The following EXOC4 variants were observed in gnomAD, a reference collection of about 807,000 sequenced individuals.
The protein encoded by EXOC4 is exocyst complex component 4, also known as SEC8-like 1.
In EXOC4, 71 loss-of-function variants were observed where a neutral mutation model predicts 107.2. That is an observed-to-expected ratio of 0.66 (90% CI 0.55 to 0.81). The LOEUF (loss-of-function observed/expected upper bound fraction) is 0.81. Among genes scored for constraint, EXOC4 ranks in the 30% least tolerant of loss-of-function variants. The probability of loss-of-function intolerance (pLI) is 0.00; values close to 1 mark genes in which losing one functional copy is unlikely to be tolerated. For synonymous variants in EXOC4, 456 were observed against 441.2 expected, an observed-to-expected ratio of 1.03 and a Z score of -0.42; for missense variants, 1,108 against 1,189.6, an observed-to-expected ratio of 0.93 and a Z score of 1.01.
intron 10 of EXOC4, among the ~76,000 whole-genome samples, chr7:133,666,191 C>T (rs754422035): frequency 2.0e-4 from 30 of 151,900 alleles, no homozygotes; most frequent in Non-Finnish European, 3.7e-4. Context: ...ATTTTAAAAG[C>T]GAAAAAATTC....
chr7:133,518,832 G>A (rs1460245290), intron 9 of EXOC4, among the ~76,000 whole-genome samples: 1 of 152,110 alleles, frequency 6.6e-6, no homozygotes, highest in East Asian at 1.9e-4. Flanking sequence ...GTGGGATGGA[G>A]GGGAATAAGG....
chr7:133,378,453 ATTTATT>A (rs1796540713), intron 7 of EXOC4, among the ~76,000 whole-genome samples: 1 of 151,616 alleles, frequency 6.6e-6, no homozygotes. Context: ...ACATTTCTTG[ATTTATT>A]TTTATTAAAA....
intron 10 of EXOC4, among the ~76,000 whole-genome samples, chr7:133,787,335 TTG>T (rs757017206): frequency 4.8e-4 from 55 of 113,922 alleles, no homozygotes; most frequent in African/African-American, 1.4e-3. Flanking sequence ...ATAGGCTAAT[TTG>T]TGTGTGTGTG....
At chr7:133,772,921 G>C (rs1037878126) in intron 10 of EXOC4, among the ~76,000 whole-genome samples, 2 of 152,032 alleles carry the variant, frequency 1.3e-5, no homozygotes, top group African/African-American at 4.8e-5. Flanking sequence ...TTCTGAGCTT[G>C]AGAGTCCTAG....
At chr7:133,768,851 T>C (rs1389625862) in intron 10 of EXOC4, among the ~76,000 whole-genome samples, 1 of 151,862 alleles carries the variant, frequency 6.6e-6, no homozygotes, top group East Asian at 1.9e-4. Context: ...TAGATAATTA[T>C]GAAATATTGT....
In EXOC4 at chr7:134,062,050, G is replaced by A. The variant is rs551155402; in HGVS notation, c.2688-2241G>A. On this transcript the variant is annotated intron_variant, in intron 17 of 17. Coordinates refer to ENST00000253861, the MANE Select transcript of EXOC4 (RefSeq NM_021807.4). ...TCTGTCTATATTCAGGGTCACCCTG[G>A]ACCAGTGATTGCTATGTGTCTGGTT... is the stretch of plus-strand genomic sequence containing the variant. 5.9e-5 allele frequency among the ~76,000 whole-genome samples: 9 copies of A among 152,232 alleles called. No individual in the cohort carries two copies. In the South Asian group the frequency reaches 1.9e-3, roughly 32 times the overall value.
At chr7:133,410,767 A>G (rs1004426034) in intron 7 of EXOC4, among the ~76,000 whole-genome samples, 2 of 152,210 alleles carry the variant, frequency 1.3e-5, no homozygotes, top group Non-Finnish European at 2.9e-5. Flanking sequence ...ATATATGCTT[A>G]TATAGTTGAG....
the EXOC4 span, among the ~76,000 whole-genome samples, chr7:134,086,306 C>A: frequency 3.9e-5 from 6 of 152,200 alleles, no homozygotes; most frequent in Admixed American, 3.9e-4. Flanking sequence ...AAGTTGAGCA[C>A]TGACATGATG....
At chr7:133,516,363 T>A (rs1271223703) in intron 9 of EXOC4, among the ~76,000 whole-genome samples, 1 of 152,126 alleles carries the variant, frequency 6.6e-6, no homozygotes, top group Non-Finnish European at 1.5e-5. Context: ...TCTTCTTTCT[T>A]TTCTCCTCTA....
intron 6 of EXOC4, among the ~76,000 whole-genome samples, chr7:133,369,274 C>T (rs916197668): frequency 9.9e-5 from 15 of 152,278 alleles, no homozygotes; most frequent in East Asian, 3.9e-4. Context: ...ATCAGAGGAG[C>T]GTCGTCTTCC....
chr7:133,636,272 G>C (rs1195466171), intron 10 of EXOC4, among the ~76,000 whole-genome samples: 1 of 152,120 alleles, frequency 6.6e-6, no homozygotes, highest in Non-Finnish European at 1.5e-5. Flanking sequence ...CGCTTAACCA[G>C]AAAGAGAAAA....
intron 17 of EXOC4, among the ~76,000 whole-genome samples, chr7:134,051,602 G>C (rs2116581919): frequency 6.6e-6 from 1 of 151,660 alleles, no homozygotes; most frequent in East Asian, 1.9e-4. Context: ...ACCTGGAGGG[G>C]CAGAGGTTGC....
intron 10 of EXOC4, among the ~76,000 whole-genome samples, chr7:133,635,749 G>C (rs937857200): frequency 6.6e-6 from 1 of 152,044 alleles, no homozygotes. Context: ...CATGACTCAG[G>C]AACAAGTACA....
intron 14 of EXOC4, among the ~76,000 whole-genome samples, chr7:133,963,671 A>G (rs190690760): frequency 2.6e-5 from 4 of 152,250 alleles, no homozygotes; most frequent in Admixed American, 2.6e-4. Context: ...GAGAATTCCC[A>G]TGAAAGCAGA....
intron 5 of EXOC4, among the ~76,000 whole-genome samples, chr7:133,347,302 G>A (rs1795806509): frequency 6.6e-6 from 1 of 150,506 alleles, no homozygotes; most frequent in Non-Finnish European, 1.5e-5. Context: ...AGAGTGCAGT[G>A]GTGCGATCTT....
intron 17 of EXOC4, among the ~76,000 whole-genome samples, chr7:134,056,233 T>G (rs1273616497): frequency 2.6e-5 from 4 of 152,194 alleles, no homozygotes; most frequent in Non-Finnish European, 5.9e-5. Flanking sequence ...GATGAACTAT[T>G]TTCTTAAATT....
chr7:133,484,176 G>A, intron 9 of EXOC4: 1 of 1,579,478 alleles, frequency 6.3e-7, no homozygotes, highest in Non-Finnish European at 8.6e-7. Flanking sequence ...CAACACCCAA[G>A]AGGATAAAAG....
At chr7:133,298,875 T>C (rs1379359356) in intron 3 of EXOC4, among the ~76,000 whole-genome samples, 3 of 152,210 alleles carry the variant, frequency 2.0e-5, no homozygotes, top group Admixed American at 6.5e-5. Flanking sequence ...GTAAGATCTA[T>C]GAAAGTAAAA....
chr7:133,499,681 G>A (rs1799540914), intron 9 of EXOC4, among the ~76,000 whole-genome samples: 1 of 152,064 alleles, frequency 6.6e-6, no homozygotes, highest in Non-Finnish European at 1.5e-5. Flanking sequence ...GATGGGGGTG[G>A]TTGGATCACG....
Sources: allele counts gnomAD v4.1 joint callset (sites outside exome capture counted in the v4.1 genomes callset), GRCh38; gene constraint gnomAD v4.1.1; transcripts MANE v1.5; gene names NCBI Gene and HGNC (gene_info 2026-07-23, HGNC 2026-07-21).